Variants in NELL1 observed in about 807,000 individuals in gnomAD.
NELL1 encodes the protein neural EGFL like 1.
A neutral mutation model predicts 107.4 loss-of-function variants in NELL1; 76 were observed. The observed-to-expected ratio is 0.71, with a 90% CI of 0.59 to 0.86. The LOEUF (loss-of-function observed/expected upper bound fraction) is 0.86, where lower values mean the gene tolerates loss of function less well. Ranked by LOEUF, NELL1 falls within the 40% of genes least tolerant of loss-of-function variation. The probability of loss-of-function intolerance (pLI) is 0.00; values close to 1 mark genes in which losing one functional copy is unlikely to be tolerated. For synonymous variants in NELL1, 353 were observed against 341.2 expected (o/e 1.03, Z -0.38); for missense variants, 1,024 against 1,005.5 (o/e 1.02, Z -0.25).
chr11:21,358,502 G>A (rs547213400), intron 14 of NELL1, among the ~76,000 whole-genome samples: 4 of 150,856 alleles, frequency 2.7e-5, no homozygotes, highest in African/African-American at 9.7e-5. Flanking sequence ...AGGTTCAAGC[G>A]ATTCTCCTGC....
intron 12 of NELL1, among the ~76,000 whole-genome samples, chr11:21,075,319 A>G (rs1014196311): frequency 1.3e-5 from 2 of 152,158 alleles, no homozygotes; most frequent in African/African-American, 4.8e-5. Context: ...TCTTCCTTAA[A>G]GGTGGGTTGA....
intron 13 of NELL1, among the ~76,000 whole-genome samples, chr11:21,168,782 T>G (rs560213837): frequency 6.6e-6 from 1 of 152,008 alleles, no homozygotes; most frequent in African/African-American, 2.4e-5. Context: ...GCCATCAACT[T>G]GTAAAATTAT....
intron 12 of NELL1, among the ~76,000 whole-genome samples, chr11:21,058,609 C>T (rs1853665924): frequency 6.6e-6 from 1 of 152,012 alleles, no homozygotes; most frequent in Non-Finnish European, 1.5e-5. Context: ...TGTGTTTATC[C>T]CCTACTAGTA....
chr11:21,159,978 G>T (rs1856327104), intron 13 of NELL1, among the ~76,000 whole-genome samples: 1 of 152,176 alleles, frequency 6.6e-6, no homozygotes, highest in African/African-American at 2.4e-5. Context: ...GTCCGTTCGT[G>T]ATTCTTAAAG....
intron 12 of NELL1, among the ~76,000 whole-genome samples, chr11:21,022,283 TC>T (rs914274039): frequency 3.3e-5 from 5 of 152,118 alleles, no homozygotes; most frequent in Non-Finnish European, 5.9e-5. Context: ...AACTCCTGTT[TC>T]ACACCTGTTG....
chr11:21,570,871 C>A lies in NELL1; in HGVS notation c.2088C>A (p.Asp696Glu). ...CCAGAGTCACAAGTCAATGTTTAGACCAAAATGGTCACAAGCTGTATCGAA... is the reference window on the plus strand; with the variant it reads ...CCAGAGTCACAAGTCAATGTTTAGAACAAAATGGTCACAAGCTGTATCGAA... Reference protein sequence around the residue: ...CDTRVTSQCLDQNGHKLYRSG... With the variant: ...CDTRVTSQCLEQNGHKLYRSG... The change falls in exon 18 of 20, where the codon GAC (aspartate) becomes GAA (glutamate). Residue 696 changes from aspartate to glutamate, a missense_variant. Physicochemically the swap from Asp to Glu is conservative, Grantham distance 45 (BLOSUM62 2). Transcript: ENST00000357134. The A allele has an allele frequency of 6.2e-7, 1 of 1,611,978 alleles. No homozygotes were observed.
At chr11:21,270,079 T>C (rs1463864200) in intron 14 of NELL1, among the ~76,000 whole-genome samples, 2 of 151,652 alleles carry the variant, frequency 1.3e-5, no homozygotes, top group African/African-American at 2.4e-5. Context: ...AAAAGAAAAA[T>C]AGAATATCAT....
chr11:20,985,556 C>CATA (rs1851835886), intron 12 of NELL1, among the ~76,000 whole-genome samples: 1 of 152,098 alleles, frequency 6.6e-6, no homozygotes, highest in Non-Finnish European at 1.5e-5. Context: ...GGTATGGTGC[C>CATA]ATAAGAACCC....
At chr11:20,679,657 C>T (rs1289907890) in intron 2 of NELL1, among the ~76,000 whole-genome samples, 4 of 152,104 alleles carry the variant, frequency 2.6e-5, no homozygotes, top group Admixed American at 2.6e-4. Context: ...GAGTCCATAC[C>T]TTTCTTGATC....
chr11:21,181,358 A>G (rs1182033172), intron 13 of NELL1, among the ~76,000 whole-genome samples: 2 of 151,622 alleles, frequency 1.3e-5, no homozygotes, highest in Non-Finnish European at 2.9e-5. Flanking sequence ...AAGTGATACT[A>G]GGCAAGTGGA....
intron 11 of NELL1, among the ~76,000 whole-genome samples, chr11:20,949,890 A>C (rs1044054894): frequency 3.3e-5 from 5 of 152,196 alleles, no homozygotes; most frequent in African/African-American, 1.2e-4. Context: ...TTTTCATACC[A>C]GTTCCTTCTC....
At chr11:21,395,856 CA>C (rs904158089) in intron 15 of NELL1, among the ~76,000 whole-genome samples, 1 of 149,796 alleles carries the variant, frequency 6.7e-6, no homozygotes, top group Non-Finnish European at 1.5e-5. Context: ...AACATCAATC[CA>C]AAAAAAATCA....
intron 13 of NELL1, among the ~76,000 whole-genome samples, chr11:21,205,281 C>A (rs1857364782): frequency 6.6e-6 from 1 of 152,138 alleles, no homozygotes; most frequent in African/African-American, 2.4e-5. Context: ...ACGACTGGGG[C>A]TGCTGCCTTT....
At chr11:21,537,069 G>C (rs1228240010) in intron 16 of NELL1, among the ~76,000 whole-genome samples, 3 of 152,136 alleles carry the variant, frequency 2.0e-5, no homozygotes, top group Non-Finnish European at 4.4e-5. Context: ...AATTTGGGTA[G>C]TAGTCTGAAT....
intron 12 of NELL1, among the ~76,000 whole-genome samples, chr11:21,023,424 C>CA (rs1852745587): frequency 6.6e-6 from 1 of 152,028 alleles, no homozygotes; most frequent in Admixed American, 6.6e-5. Context: ...TATTTTGATT[C>CA]AAAATTATGT....
intron 15 of NELL1, among the ~76,000 whole-genome samples, chr11:21,419,830 G>A (rs1178153883): frequency 6.6e-6 from 1 of 152,160 alleles, no homozygotes; most frequent in Non-Finnish European, 1.5e-5. Context: ...TGTCTTTCAT[G>A]AAGTACAGAT....
chr11:21,334,743 C>T (rs4261282), intron 14 of NELL1, among the ~76,000 whole-genome samples: 150,071 of 152,102 alleles, frequency 0.99, 74,064 homozygotes, highest in Middle Eastern at 1. Flanking sequence ...AATGTTCTGG[C>T]GACTGTGTCG....
At chr11:20,892,397 A>G (rs1849634719) in intron 5 of NELL1, among the ~76,000 whole-genome samples, 1 of 152,220 alleles carries the variant, frequency 6.6e-6, no homozygotes, top group Non-Finnish European at 1.5e-5. Flanking sequence ...ATCTCATACC[A>G]GTCGGAATGG....
At chr11:21,381,752 T>C (rs1851612992) in intron 15 of NELL1, among the ~76,000 whole-genome samples, 1 of 151,876 alleles carries the variant, frequency 6.6e-6, no homozygotes, top group African/African-American at 2.4e-5. Flanking sequence ...TTTCCAGCTC[T>C]ATTCTCTCTG....
Sources: gnomAD v4.1 joint callset for allele counts (sites outside exome capture counted in the v4.1 genomes callset) on GRCh38, gnomAD v4.1.1 for gene constraint, MANE v1.5 for transcripts, NCBI Gene and HGNC (gene_info 2026-07-23, HGNC 2026-07-21) for gene names.